The following APP variants were observed in gnomAD, a reference collection of about 807,000 sequenced individuals.
APP encodes amyloid beta precursor protein.
Under a neutral mutation model 101.4 loss-of-function variants are expected in APP, and 31 were observed. The ratio of observed to expected loss-of-function variants is 0.31; its 90% CI spans 0.23 to 0.41. The LOEUF (loss-of-function observed/expected upper bound fraction) is 0.41, where lower values mean the gene tolerates loss of function less well. Among genes scored for constraint, APP ranks in the 10% least tolerant of loss-of-function variants. The probability of loss-of-function intolerance (pLI) is 1.00; values close to 1 mark genes in which losing one functional copy is unlikely to be tolerated. For missense variants in APP, 839 were observed against 1,003.7 expected (o/e 0.84, Z 2.22); for synonymous variants, 366 against 364.4 (o/e 1.00, Z -0.05).
chr21:25,882,010 G>C (rs544465658), intron 17 of APP, among the ~76,000 whole-genome samples: 5 of 152,194 alleles, frequency 3.3e-5, no homozygotes, highest in African/African-American at 1.2e-4. Flanking sequence ...CGCTTGCAAC[G>C]TGTCCAGTGG....
chr21:25,883,370 T>C (rs1481712338), intron 17 of APP, among the ~76,000 whole-genome samples: 1 of 151,882 alleles, frequency 6.6e-6, no homozygotes, highest in Non-Finnish European at 1.5e-5. Flanking sequence ...GCCACTGCAC[T>C]CCAGCCTGGG....
chr21:25,893,130 G>A (rs1385177225), intron 16 of APP, among the ~76,000 whole-genome samples: 1 of 152,068 alleles, frequency 6.6e-6, no homozygotes, highest in Non-Finnish European at 1.5e-5. Context: ...GGCCTTTGAT[G>A]TTACTATTTT....
At chr21:25,999,642 A>G (rs563738882) in intron 7 of APP, among the ~76,000 whole-genome samples, 1 of 152,366 alleles carries the variant, frequency 6.6e-6, no homozygotes, top group South Asian at 2.1e-4. Context: ...ATGCATAAAC[A>G]TGAACACATA....
At chr21:26,005,807 A>G (rs919206606) in intron 6 of APP, among the ~76,000 whole-genome samples, 3 of 152,212 alleles carry the variant, frequency 2.0e-5, no homozygotes, top group African/African-American at 7.2e-5. Flanking sequence ...ATTAATTACT[A>G]TTATCACTCA....
chr21:25,964,961 G>A (rs1009805828), intron 11 of APP, among the ~76,000 whole-genome samples: 2 of 152,110 alleles, frequency 1.3e-5, no homozygotes, highest in Non-Finnish European at 2.9e-5. Flanking sequence ...CTAGTTCTCA[G>A]AAATAATTTA....
At chr21:26,049,347 T>G (rs769564157) in intron 5 of APP, among the ~76,000 whole-genome samples, 10 of 152,150 alleles carry the variant, frequency 6.6e-5, no homozygotes, top group Admixed American at 6.5e-5. Flanking sequence ...AAACACGTAC[T>G]GGGCACCTAC....
intron 2 of APP, among the ~76,000 whole-genome samples, chr21:26,094,863 T>G (rs980704108): frequency 1.1e-4 from 17 of 151,978 alleles, no homozygotes; most frequent in African/African-American, 3.6e-4. Context: ...ATTTTTTTTT[T>G]GAGATGGACT....
At position 25,885,678 on chromosome 21, in the gene APP, C is replaced by T. The variant is rs1022781814; in HGVS notation, c.2212-3907G>A. 2.0e-5 allele frequency among the ~76,000 whole-genome samples: 3 copies of T among 152,268 alleles called. No individual in the cohort carries two copies. The South Asian group carries it at 6.2e-4, about 32-fold the overall frequency. On this transcript the variant is annotated intron_variant, in intron 17 of 17. Transcript: ENST00000346798. ...GTGGCATGGCTTCAACTGGCTGCTGCCTATGACACACGCTGAAAAGAGCTG... is the reference window on the plus strand; with the variant it reads ...GTGGCATGGCTTCAACTGGCTGCTGTCTATGACACACGCTGAAAAGAGCTG...
At chr21:25,894,425 C>T (rs747318667) in intron 16 of APP, among the ~76,000 whole-genome samples, 2 of 152,158 alleles carry the variant, frequency 1.3e-5, no homozygotes, top group Non-Finnish European at 2.9e-5. Context: ...TTCACCATTC[C>T]AGATGCCATT....
At chr21:25,928,374 A>AAACAAAC (rs1359080995) in intron 13 of APP, among the ~76,000 whole-genome samples, 1 of 99,734 alleles carries the variant, frequency 1.0e-5, no homozygotes, top group African/African-American at 4.4e-5. Flanking sequence ...AACAAACAAA[A>AAACAAAC]AAACCAAGTT....
At chr21:26,083,158 A>G (rs1418333048) in intron 3 of APP, among the ~76,000 whole-genome samples, 2 of 152,206 alleles carry the variant, frequency 1.3e-5, no homozygotes, top group Middle Eastern at 3.2e-3. Flanking sequence ...TATTACACCA[A>G]CTATAAGATT....
chr21:25,953,084 G>A (rs2041162330), intron 13 of APP, among the ~76,000 whole-genome samples: 1 of 135,774 alleles, frequency 7.4e-6, no homozygotes, highest in South Asian at 2.6e-4. Flanking sequence ...GGCACACTAT[G>A]AAGTTGCTTT....
intron 1 of APP, among the ~76,000 whole-genome samples, chr21:26,120,363 G>A (rs550154196): frequency 2.0e-5 from 3 of 152,068 alleles, no homozygotes; most frequent in African/African-American, 4.8e-5. Flanking sequence ...GTATGTTGCC[G>A]AGGCTGGTCT....
intron 2 of APP, among the ~76,000 whole-genome samples, chr21:26,106,324 C>A (rs1344269332): frequency 6.6e-6 from 1 of 152,186 alleles, no homozygotes; most frequent in African/African-American, 2.4e-5. Flanking sequence ...AAGCATCCCC[C>A]ACACTACGAT....
At chr21:26,008,276 C>T (rs926996476) in intron 6 of APP, among the ~76,000 whole-genome samples, 2 of 152,160 alleles carry the variant, frequency 1.3e-5, no homozygotes, top group Admixed American at 6.5e-5. Context: ...TCAGGACTCC[C>T]GTGACGGTGT....
chr21:26,062,254 CACACAG>C (rs2046299486), intron 3 of APP, among the ~76,000 whole-genome samples: 2 of 151,018 alleles, frequency 1.3e-5, no homozygotes, highest in Non-Finnish European at 3.0e-5. Context: ...CACACACACA[CACACAG>C]AATAGTGTTT....
At chr21:25,898,577 T>C (rs1198717819) in intron 15 of APP, among the ~76,000 whole-genome samples, 1 of 152,236 alleles carries the variant, frequency 6.6e-6, no homozygotes, top group African/African-American at 2.4e-5. Flanking sequence ...CAGTTCCTGT[T>C]TGAACATAGA....
intron 1 of APP, among the ~76,000 whole-genome samples, chr21:26,131,309 C>T (rs963435749): frequency 1.3e-5 from 2 of 151,842 alleles, no homozygotes; most frequent in Middle Eastern, 3.2e-3. Flanking sequence ...AGTGAAAAGG[C>T]CCGTAAAACA....
At chr21:26,142,028 G>A (rs2063056892) in intron 1 of APP, among the ~76,000 whole-genome samples, 1 of 152,146 alleles carries the variant, frequency 6.6e-6, no homozygotes, top group South Asian at 2.1e-4. Flanking sequence ...ACATAACCTG[G>A]GAACCATGCA....
Sources: allele counts gnomAD v4.1 joint callset (sites outside exome capture counted in the v4.1 genomes callset), GRCh38; gene constraint gnomAD v4.1.1; transcripts MANE v1.5; gene names NCBI Gene and HGNC (gene_info 2026-07-23, HGNC 2026-07-21).